Variants in SAAL1 observed in about 807,000 individuals in gnomAD.
The protein encoded by SAAL1 is serum amyloid A like 1.
In SAAL1, 42 loss-of-function variants were observed where a neutral mutation model predicts 59.8. The ratio of observed to expected loss-of-function variants is 0.70; its 90% CI spans 0.55 to 0.91. The LOEUF is 0.91. SAAL1 is among the 40% of genes least tolerant of loss of function. The probability of loss-of-function intolerance (pLI) is 0.00; values close to 1 mark genes in which losing one functional copy is unlikely to be tolerated. For synonymous variants in SAAL1, 191 were observed against 194.3 expected, an observed-to-expected ratio of 0.98 and a Z score of 0.14; for missense variants, 542 against 561.1, an observed-to-expected ratio of 0.97 and a Z score of 0.34.
intron 9 of SAAL1, 50 bp from the exon 10 acceptor site, chr11:18,083,781 T>C (rs1848435017): frequency 8.0e-7 from 1 of 1,246,146 alleles, no homozygotes; most frequent in Non-Finnish European, 1.1e-6. Flanking sequence ...AGTTTGGTTT[T>C]TCATTCATAT....
At chr11:18,084,607 C>G (rs1431344290) in intron 9 of SAAL1, among the ~76,000 whole-genome samples, 1 of 152,206 alleles carries the variant, frequency 6.6e-6, no homozygotes, top group Non-Finnish European at 1.5e-5. Context: ...GCACATGACT[C>G]CCTCCATTCT....
At chr11:18,083,832 A>C (rs146694525) in intron 9 of SAAL1, 101 bp from the exon 10 acceptor site, 2 of 635,056 alleles carry the variant, frequency 3.1e-6, no homozygotes, top group Non-Finnish European at 5.1e-6. Context: ...TGGGTATTAC[A>C]GATACACTGG....
intron 7 of SAAL1, 80 bp from the exon 8 acceptor site, chr11:18,087,305 T>C (rs1425764689): frequency 4.6e-6 from 4 of 864,432 alleles, no homozygotes; most frequent in Non-Finnish European, 7.5e-6. Flanking sequence ...TCAATAAATA[T>C]TTATTACTCT....
intron 10 of SAAL1, 130 bp downstream of exon 10, chr11:18,083,405 G>A: frequency 1.8e-6 from 1 of 555,790 alleles, no homozygotes; most frequent in Admixed American, 3.3e-5. Context: ...TAAACTCATG[G>A]TGATATTAAG....
At chr11:18,093,130 A>G (rs1289863429) in intron 3 of SAAL1, among the ~76,000 whole-genome samples, 1 of 152,168 alleles carries the variant, frequency 6.6e-6, no homozygotes, top group Non-Finnish European at 1.5e-5. Context: ...CTTAGTAGCC[A>G]TCTTGGCTAT....
chr11:18,105,724 G>C (rs76327995), intron 1 of SAAL1, among the ~76,000 whole-genome samples, 183 bp downstream of exon 1: 7 of 152,190 alleles, frequency 4.6e-5, no homozygotes, highest in Admixed American at 2.6e-4. Context: ...ACCCCGAGGG[G>C]GCCCAGATAG....
At chr11:18,097,617 C>T (rs984427596) in intron 2 of SAAL1, among the ~76,000 whole-genome samples, 1 of 151,852 alleles carries the variant, frequency 6.6e-6, no homozygotes, top group Non-Finnish European at 1.5e-5. Context: ...GTTAGAAGGC[C>T]GAGGTGGGTG....
At chr11:18,098,847 G>A (rs1848603367) in intron 2 of SAAL1, among the ~76,000 whole-genome samples, 2 of 152,184 alleles carry the variant, frequency 1.3e-5, no homozygotes. Flanking sequence ...GCACAAGGGT[G>A]GCCTAACAAT....
intron 6 of SAAL1, 79 bp downstream of exon 6, chr11:18,090,095 CT>C (rs1848506288): frequency 7.6e-7 from 1 of 1,313,124 alleles, no homozygotes; most frequent in Non-Finnish European, 1.0e-6. Context: ...AAAAAGGTGA[CT>C]TCTAGAAATA....
intron 11 of SAAL1, among the ~76,000 whole-genome samples, chr11:18,081,046 A>G (rs1016486575): frequency 3.9e-5 from 6 of 152,102 alleles, no homozygotes; most frequent in African/African-American, 1.2e-4. Flanking sequence ...TTATAAAGGT[A>G]TATTACATGA....
chr11:18,090,575 C>T, intron 4 of SAAL1, 82 bp from the exon 5 acceptor site: 1 of 1,471,924 alleles, frequency 6.8e-7, no homozygotes, highest in Non-Finnish European at 9.2e-7. Flanking sequence ...TTTTGAACAT[C>T]TTTATTGTGA....
chr11:18,081,128 G>C (rs991939051), intron 11 of SAAL1, among the ~76,000 whole-genome samples: 3 of 152,048 alleles, frequency 2.0e-5, no homozygotes, highest in Non-Finnish European at 4.4e-5. Flanking sequence ...TAGTTTTTCA[G>C]CCCTTGCCCT....
chr11:18,090,307 G>A lies in SAAL1; in HGVS notation c.474-17C>T, dbSNP rs1197746854. ...AGCAACAACCTACATGGTAAACGTG[G>A]GTTGAATTTCTACTTTTCAAAAAAA... On this transcript the variant is annotated splice_polypyrimidine_tract_variant and intron_variant, in intron 5 of 11. Coordinates refer to ENST00000524803, the MANE Select transcript of SAAL1 (RefSeq NM_138421.3). 9.5e-6 allele frequency: 15 copies of A among 1,578,002 alleles called. No homozygotes were observed. The highest frequency in any genetic ancestry group is 6.1e-5 in the Admixed American group (3 of 49,082).
intron 3 of SAAL1, among the ~76,000 whole-genome samples, chr11:18,096,461 T>C (rs1349692587): frequency 2.6e-5 from 4 of 152,084 alleles, no homozygotes; most frequent in South Asian, 2.1e-4. Flanking sequence ...CTTACACCTA[T>C]ACTCCCAGTT....
At chr11:18,083,495 CT>C (rs754233228) in intron 10 of SAAL1, 39 bp downstream of exon 10, 40 of 1,223,516 alleles carry the variant, frequency 3.3e-5, no homozygotes, top group Non-Finnish European at 4.3e-5. Flanking sequence ...GCAACCCACA[CT>C]TTCTTTTGCT....
At chr11:18,104,943 G>A (rs1322421869) in intron 1 of SAAL1, among the ~76,000 whole-genome samples, 1 of 152,066 alleles carries the variant, frequency 6.6e-6, no homozygotes. Context: ...ATAGACAATA[G>A]GAGGAGAGGA....
At chr11:18,086,781 T>G in intron 9 of SAAL1, 85 bp downstream of exon 9, 1 of 810,828 alleles carries the variant, frequency 1.2e-6, no homozygotes, top group Non-Finnish European at 1.8e-6. Context: ...TGTAATGTTT[T>G]TATAATTAGG....
intron 10 of SAAL1, among the ~76,000 whole-genome samples, chr11:18,082,477 G>C (rs1045071107): frequency 1.3e-5 from 2 of 152,016 alleles, no homozygotes; most frequent in Admixed American, 6.6e-5. Flanking sequence ...TGGCCATCAT[G>C]ACTTAGCCAT....
At chr11:18,089,224 T>C (rs957765946) in intron 7 of SAAL1, 106 bp downstream of exon 7, 83 of 957,670 alleles carry the variant, frequency 8.7e-5, no homozygotes, top group Non-Finnish European at 1.2e-4. Context: ...AAGGAGTGAC[T>C]ATGTACTTTA....
Sources: allele counts gnomAD v4.1 joint callset (sites outside exome capture counted in the v4.1 genomes callset), GRCh38; gene constraint gnomAD v4.1.1; transcripts MANE v1.5; gene names NCBI Gene and HGNC (gene_info 2026-07-23, HGNC 2026-07-21).